The following CUX1 variants were observed in gnomAD, a reference collection of about 807,000 sequenced individuals.
CUX1 encodes the protein cut like homeobox 1.
A neutral mutation model predicts 158.8 loss-of-function variants in CUX1; 31 were observed. The observed-to-expected ratio is 0.20, with a 90% CI of 0.15 to 0.26. The LOEUF (loss-of-function observed/expected upper bound fraction) is 0.26, where lower values mean the gene tolerates loss of function less well. Ranked by LOEUF, CUX1 falls within the 10% of genes least tolerant of loss-of-function variation. The pLI, the probability that CUX1 is intolerant of heterozygous loss-of-function variation, is 1.00. For missense variants in CUX1, 1,589 were observed against 2,014.6 expected (o/e 0.79, Z 4.04); for synonymous variants, 879 against 862.1 (o/e 1.02, Z -0.34).
At position 102,202,211 on chromosome 7, in the gene CUX1, G is replaced by T; in HGVS notation, c.2907+7G>T. On this transcript the variant is annotated splice_region_variant and intron_variant, in intron 18 of 23. Transcript: ENST00000292535. ...GAGAATCTTCGGGGAGAAGGTAAGG[G>T]ATCTGCTCTGGGGGCTTTGGTTCTC... is the stretch of plus-strand genomic sequence containing the variant. 1 of 1,593,364 alleles carries T rather than the reference G, an allele frequency of 6.3e-7. No individual in the cohort carries two copies. Among genetic ancestry groups the T allele is most frequent in the East Asian group, 2.2e-5 (1 of 44,624 alleles).
chr7:101,922,795 C>G (rs1355080371), intron 2 of CUX1, among the ~76,000 whole-genome samples: 1 of 152,144 alleles, frequency 6.6e-6, no homozygotes, highest in Non-Finnish European at 1.5e-5. Flanking sequence ...AGGAGCAAGG[C>G]CACCTGATGT....
Position 102,227,660 on chromosome 7 carries a change from A to C in CUX1, c.3424A>C (p.Asn1142His), listed in dbSNP as rs1798483799. The stretch of plus-strand genomic sequence containing the variant: ...GCGGGTGAAGGAGGTGCTGACGGAC[A>C]ACAACCTCGGTAGGTTCTCCTCTCG... ...TKRVKEVLTD[N>H]NLGQRLFGET... The change falls in exon 21 of 24, where the codon AAC becomes CAC. Residue 1142 changes from asparagine (N) to histidine (H), a missense_variant. By Grantham distance (68) the Asn-to-His change is moderately conservative. Around this residue, in one of 8 missense-constraint regions of CUX1, gnomAD observed 259 missense variants for 373.8 expected, o/e 0.69. Coordinates refer to ENST00000292535, the MANE Select transcript of CUX1 (RefSeq NM_181552.4). 2 of 1,609,174 alleles carry C rather than the reference A, an allele frequency of 1.2e-6. No individual in the cohort carries two copies. Among genetic ancestry groups the C allele is most frequent in the East Asian group, 4.5e-5 (2 of 44,818 alleles).
At position 102,088,187 on chromosome 7, in the gene CUX1, G is replaced by A. The variant is rs573158827; in HGVS notation, c.269-9177G>A. 8.6e-5 allele frequency among the ~76,000 whole-genome samples: 13 copies of A among 152,030 alleles called. No individual in the cohort carries two copies. In the East Asian group the frequency reaches 2.3e-3, roughly 27 times the overall value. On this transcript the variant is annotated intron_variant, in intron 4 of 23. Transcript: ENST00000292535. Reference sequence around the variant, plus strand: ...TAATTTTTGTATTTTTAGTAGAGACGGGGTTTCTCCATGTTGGCCAGGCTG... The same window carrying A: ...TAATTTTTGTATTTTTAGTAGAGACAGGGTTTCTCCATGTTGGCCAGGCTG...
At chr7:101,825,803 G>A (rs1296621972) in intron 1 of CUX1, among the ~76,000 whole-genome samples, 4 of 34,064 alleles carry the variant, frequency 1.2e-4, no homozygotes, top group African/African-American at 4.1e-4. Flanking sequence ...GTGTGTGCGC[G>A]CGCGCGCGCA....
intron 2 of CUX1, among the ~76,000 whole-genome samples, chr7:101,973,119 T>G (rs996233112): frequency 1.3e-5 from 2 of 152,172 alleles, no homozygotes; most frequent in Non-Finnish European, 2.9e-5. Context: ...CACGGTATCC[T>G]TGCCCAGGTA....
Position 102,144,894 on chromosome 7 carries a change from C to T in CUX1, c.675-13666C>T, listed in dbSNP as rs996591467. ...CTTGAGGTCAGGAGCTTGAAAACAG[C>T]CTGGCTAACATGGCAAAACCTCGTC... is the stretch of plus-strand genomic sequence containing the variant. On this transcript the variant is annotated intron_variant, in intron 8 of 23. Transcript: ENST00000292535. 7.3e-5 allele frequency among the ~76,000 whole-genome samples: 11 copies of T among 151,694 alleles called. No homozygotes were observed. The East Asian group carries it at 1.7e-3, about 24-fold the overall frequency.
intron 21 of CUX1, among the ~76,000 whole-genome samples, chr7:102,231,127 T>C (rs997560280): frequency 1.3e-5 from 2 of 151,224 alleles, no homozygotes; most frequent in East Asian, 3.9e-4. Flanking sequence ...CCTCCCAGGT[T>C]CACGCCATTC....
At chr7:101,878,758 C>T (rs1016183944) in intron 1 of CUX1, among the ~76,000 whole-genome samples, 4 of 151,764 alleles carry the variant, frequency 2.6e-5, no homozygotes, top group Non-Finnish European at 4.4e-5. Flanking sequence ...CTGCAACCTC[C>T]GCCTCCCAGG....
chr7:101,934,597 T>C (rs1806701940), intron 2 of CUX1, among the ~76,000 whole-genome samples: 1 of 152,126 alleles, frequency 6.6e-6, no homozygotes, highest in Non-Finnish European at 1.5e-5. Flanking sequence ...TTTTGCAGCT[T>C]TTGGTAGACG....
Position 102,252,045 on chromosome 7 carries a change from T to A in CUX1, c.*3003T>A. The A allele has an allele frequency of 5.1e-6, 5 of 985,426 alleles. No homozygotes were observed. Among genetic ancestry groups the A allele is most frequent in the Non-Finnish European group, 6.0e-6 (5 of 829,926 alleles). 61.0% of individuals were successfully genotyped at this position (985,426 alleles called of 1,614,324 possible). A position where few individuals can be genotyped will look rare whatever the true frequency, so the allele number is the denominator to read the frequency against. On this transcript the variant is annotated 3_prime_UTR_variant, in exon 24 of 24. Transcript: ENST00000292535. The stretch of plus-strand genomic sequence containing the variant: ...TCCCATTCTGTCTTTTTTGCCAGAC[T>A]TACATCTGGTGCCAGATACAATCAG...
intron 8 of CUX1, among the ~76,000 whole-genome samples, chr7:102,129,235 G>A (rs530262364): frequency 6.6e-6 from 1 of 152,194 alleles, no homozygotes; most frequent in African/African-American, 2.4e-5. Context: ...GGGCACCCAG[G>A]TGTAAAGCTT....
At chr7:101,983,883 C>A (rs1402917671) in intron 2 of CUX1, among the ~76,000 whole-genome samples, 1 of 151,498 alleles carries the variant, frequency 6.6e-6, no homozygotes, top group Non-Finnish European at 1.5e-5. Context: ...TTGGAGGGGA[C>A]ACTAGCCGGG....
intron 2 of CUX1, among the ~76,000 whole-genome samples, chr7:101,950,357 A>G (rs1808912007): frequency 6.6e-6 from 1 of 152,140 alleles, no homozygotes; most frequent in Admixed American, 6.5e-5. Context: ...GAAATTCCCA[A>G]AAAAACCCAG....
chr7:102,026,028 A>G (rs1819981645), intron 2 of CUX1, among the ~76,000 whole-genome samples: 1 of 152,058 alleles, frequency 6.6e-6, no homozygotes, highest in African/African-American at 2.4e-5. Flanking sequence ...AAAATAAGAA[A>G]ATTAGCAAGG....
rs557470118 is a variant in CUX1 at position 102,231,190 on chromosome 7, C to T, written c.3434-2862C>T. The stretch of plus-strand genomic sequence containing the variant: ...GACTACAGGCGCCCACCACCATGCC[C>T]GGCTAATTTTTTTGTATTTTTAGTA... On this transcript the variant is annotated intron_variant, in intron 21 of 23. Coordinates refer to ENST00000292535, the MANE Select transcript of CUX1 (RefSeq NM_181552.4). 3.6e-3 allele frequency among the ~76,000 whole-genome samples: 549 copies of T among 152,136 alleles called. 1 individual carries two copies. Among genetic ancestry groups the T allele is most frequent in the Non-Finnish European group, 5.9e-3 (399 of 67,994 alleles).
chr7:102,222,811 C>CTGTTTTTTTTTTTTT (rs1797942038), intron 20 of CUX1, among the ~76,000 whole-genome samples: 1 of 25,508 alleles, frequency 3.9e-5, no homozygotes, highest in Non-Finnish European at 6.3e-5. Context: ...GGCACCGTAT[C>CTGTTTTTTTTTTTTT]TTTTTTTTTT....
At chr7:102,024,954 T>A (rs2129327398) in intron 2 of CUX1, among the ~76,000 whole-genome samples, 1 of 152,318 alleles carries the variant, frequency 6.6e-6, no homozygotes, top group African/African-American at 2.4e-5. Context: ...CAAAGTGGGA[T>A]GGATTCCCCA....
intron 2 of CUX1, among the ~76,000 whole-genome samples, chr7:101,993,447 G>T (rs909519754): frequency 5.3e-5 from 8 of 152,184 alleles, no homozygotes; most frequent in African/African-American, 1.7e-4. Flanking sequence ...CTGCTCTGAT[G>T]GGGGGTGGGA....
intron 2 of CUX1, chr7:101,960,728 A>G (rs750487549): frequency 1.3e-5 from 2 of 152,228 alleles, no homozygotes; most frequent in East Asian, 1.9e-4. Flanking sequence ...ATTCAGTGAG[A>G]TGAAAGATTG....
Sources: allele counts gnomAD v4.1 joint callset (sites outside exome capture counted in the v4.1 genomes callset), GRCh38; gene constraint gnomAD v4.1.1; regional missense constraint gnomAD v4.1.1; transcripts MANE v1.5; gene names NCBI Gene and HGNC (gene_info 2026-07-23, HGNC 2026-07-21).